Variants in UNC13C observed in about 807,000 individuals in gnomAD.
UNC13C encodes the protein unc-13 homolog C, also known as protein unc-13 homolog C.
In UNC13C, 174 loss-of-function variants were observed where a neutral mutation model predicts 245.4. That is an observed-to-expected ratio of 0.71 (90% CI 0.63 to 0.80). The LOEUF is 0.80. Ranked by LOEUF, UNC13C falls within the 30% of genes least tolerant of loss-of-function variation. The pLI is 0.00. For synonymous variants in UNC13C, 992 were observed against 895.1 expected (o/e 1.11, Z -1.93); for missense variants, 2,829 against 2,602.9 (o/e 1.09, Z -1.89).
intron 18 of UNC13C, among the ~76,000 whole-genome samples, chr15:54,403,715 C>CAAAAAAAA (rs771818988): frequency 3.5e-5 from 2 of 56,870 alleles, no homozygotes; most frequent in Non-Finnish European, 3.1e-5. Flanking sequence ...GAACCTGTCT[C>CAAAAAAAA]AAAAAAAAAA....
In UNC13C at chr15:54,220,038, C is replaced by T. The variant is rs1204862477; in HGVS notation, c.3072-14992C>T. On this transcript the variant is annotated intron_variant, in intron 4 of 32. Coordinates refer to ENST00000260323, the MANE Select transcript of UNC13C (RefSeq NM_001080534.3). ...TCAACCATTGTGGAAGTCAGTGTGGCGATTCCTCAGGGATCTAGAACTACA... is the reference window on the plus strand; with the variant it reads ...TCAACCATTGTGGAAGTCAGTGTGGTGATTCCTCAGGGATCTAGAACTACA... Among the ~76,000 whole-genome samples, 7 of 140,456 alleles carry T rather than the reference C, an allele frequency of 5.0e-5. 1 individual carries two copies. Among genetic ancestry groups the T allele is most frequent in the South Asian group, 4.6e-4 (2 of 4,346 alleles). The allele number at this position is 140,456 out of a possible 152,430, so 92.1% of individuals were successfully genotyped here.
chr15:54,448,139 C>T (rs538126789), intron 19 of UNC13C, among the ~76,000 whole-genome samples: 16 of 152,200 alleles, frequency 1.1e-4, no homozygotes, highest in Non-Finnish European at 2.1e-4. Context: ...GTCTGAGAGA[C>T]AGTTTGTTAT....
chr15:54,297,933 A>C lies in UNC13C; in HGVS notation c.4104+7A>C. The stretch of plus-strand genomic sequence containing the variant: ...ATATACATGTTTACATGAGGTAAAT[A>C]AATGGAATTTTACTAATACAAAATA... On this transcript the variant is annotated splice_region_variant and intron_variant, in intron 12 of 32. Coordinates refer to ENST00000260323, the MANE Select transcript of UNC13C (RefSeq NM_001080534.3). The C allele has an allele frequency of 6.7e-7, 1 of 1,485,812 alleles. No individual in the cohort carries two copies. Among genetic ancestry groups the C allele is most frequent in the African/African-American group, 1.4e-5 (1 of 71,554 alleles). 92.0% of individuals were successfully genotyped at this position (1,485,812 alleles called of 1,614,324 possible). A position where few individuals can be genotyped will look rare whatever the true frequency, so the allele number is the denominator to read the frequency against.
intron 13 of UNC13C, among the ~76,000 whole-genome samples, chr15:54,314,118 C>T (rs1457676654): frequency 2.7e-5 from 4 of 150,016 alleles, no homozygotes; most frequent in African/African-American, 4.9e-5. Flanking sequence ...AAATAAAGAG[C>T]GGAATGGTGA....
intron 13 of UNC13C, among the ~76,000 whole-genome samples, chr15:54,300,649 T>C (rs2037555043): frequency 6.6e-6 from 1 of 152,164 alleles, no homozygotes; most frequent in African/African-American, 2.4e-5. Context: ...ATGCAAATTA[T>C]CCACCCCATC....
chr15:53,980,176 T>G (rs1412201427), intron 1 of UNC13C, among the ~76,000 whole-genome samples: 1 of 152,192 alleles, frequency 6.6e-6, no homozygotes, highest in Non-Finnish European at 1.5e-5. Flanking sequence ...CCCTGCTCTT[T>G]GAAAACTATA....
the UNC13C span, among the ~76,000 whole-genome samples, chr15:53,960,302 A>C: frequency 2.6e-5 from 4 of 151,408 alleles, no homozygotes; most frequent in Admixed American, 2.6e-4. Flanking sequence ...AGACTAACCA[A>C]GTCTGAAGAC....
chr15:54,009,911 G>A (rs1453398249), intron 1 of UNC13C, among the ~76,000 whole-genome samples: 2 of 152,074 alleles, frequency 1.3e-5, no homozygotes, highest in Non-Finnish European at 2.9e-5. Flanking sequence ...AACCATTAGT[G>A]CCTACTCCTC....
chr15:54,616,371 T>A (rs889597331), intron 30 of UNC13C, among the ~76,000 whole-genome samples: 2 of 149,424 alleles, frequency 1.3e-5, no homozygotes, highest in African/African-American at 4.9e-5. Context: ...CCCATAAGAT[T>A]ATAATAACAT....
At chr15:54,163,801 G>A (rs1031271837) in intron 4 of UNC13C, among the ~76,000 whole-genome samples, 5 of 152,140 alleles carry the variant, frequency 3.3e-5, no homozygotes, top group African/African-American at 1.2e-4. Context: ...GGAGAGTGAA[G>A]TTACTTGGAA....
intron 10 of UNC13C, among the ~76,000 whole-genome samples, chr15:54,284,024 C>T (rs1349863523): frequency 1.3e-5 from 2 of 152,168 alleles, no homozygotes; most frequent in African/African-American, 4.8e-5. Flanking sequence ...ACAACAGCAA[C>T]AGACACTGTT....
At chr15:54,208,754 A>G (rs939276997) in intron 4 of UNC13C, among the ~76,000 whole-genome samples, 1 of 152,120 alleles carries the variant, frequency 6.6e-6, no homozygotes, top group Non-Finnish European at 1.5e-5. Flanking sequence ...CATTGAAAAG[A>G]TGAGTTTTTA....
the UNC13C span, among the ~76,000 whole-genome samples, chr15:53,841,731 G>T: frequency 6.6e-6 from 1 of 152,080 alleles, no homozygotes; most frequent in African/African-American, 2.4e-5. Flanking sequence ...TGAAAATGAG[G>T]ACTGGAAGAT....
chr15:53,840,451 CTA>C, the UNC13C span, among the ~76,000 whole-genome samples: 1 of 151,818 alleles, frequency 6.6e-6, no homozygotes, highest in East Asian at 1.9e-4. Flanking sequence ...CCAAGCAAAA[CTA>C]GAGTCATAAT....
chr15:53,889,327 G>A, the UNC13C span, among the ~76,000 whole-genome samples: 1 of 152,142 alleles, frequency 6.6e-6, no homozygotes, highest in Non-Finnish European at 1.5e-5. Context: ...GTCAATGGGA[G>A]TTCACTCATG....
chr15:54,569,138 C>G (rs1441417814), intron 30 of UNC13C, among the ~76,000 whole-genome samples: 1 of 152,014 alleles, frequency 6.6e-6, no homozygotes, highest in Admixed American at 6.6e-5. Flanking sequence ...TAGCTTTACT[C>G]CAAGAAAGAA....
chr15:54,136,571 T>C (rs1371174655), intron 2 of UNC13C, among the ~76,000 whole-genome samples: 1 of 152,140 alleles, frequency 6.6e-6, no homozygotes, highest in Admixed American at 6.5e-5. Context: ...AGTGAGAACT[T>C]CTAGTACTAT....
intron 1 of UNC13C, among the ~76,000 whole-genome samples, chr15:54,005,937 G>A (rs1312081137): frequency 6.6e-6 from 1 of 152,142 alleles, no homozygotes; most frequent in Non-Finnish European, 1.5e-5. Context: ...CAATGGGAAG[G>A]TTTGAAATGG....
At chr15:53,990,676 C>G (rs970996107) in intron 1 of UNC13C, among the ~76,000 whole-genome samples, 3 of 151,964 alleles carry the variant, frequency 2.0e-5, no homozygotes, top group Non-Finnish European at 4.4e-5. Flanking sequence ...GCTTGAACCT[C>G]TAGAGCCATC....
Sources: gnomAD v4.1 joint callset for allele counts (sites outside exome capture counted in the v4.1 genomes callset) on GRCh38, gnomAD v4.1.1 for gene constraint, MANE v1.5 for transcripts, NCBI Gene and HGNC (gene_info 2026-07-23, HGNC 2026-07-21) for gene names.